GRID1: variants seen among roughly 807,000 people sequenced by gnomAD.
GRID1 encodes the protein glutamate ionotropic receptor delta type subunit 1.
In GRID1, 28 loss-of-function variants were observed where a neutral mutation model predicts 98.0. That is an observed-to-expected ratio of 0.29 (90% confidence interval 0.21 to 0.39). The LOEUF is 0.39. GRID1 is among the 10% of genes least tolerant of loss of function. The probability of loss-of-function intolerance (pLI) is 1.00; values close to 1 mark genes in which losing one functional copy is unlikely to be tolerated. For missense variants in GRID1, 1,111 were observed against 1,340.5 expected, an observed-to-expected ratio of 0.83 and a Z score of 2.67; for synonymous variants, 553 against 538.5, an observed-to-expected ratio of 1.03 and a Z score of -0.37.
At chr10:85,903,905 A>G (rs1198213925) in intron 5 of GRID1, among the ~76,000 whole-genome samples, 1 of 152,172 alleles carries the variant, frequency 6.6e-6, no homozygotes, top group Admixed American at 6.5e-5. Flanking sequence ...TACCTCATCA[A>G]ATAGATTTCT....
At chr10:85,723,899 G>T (rs1257576812) in intron 11 of GRID1, among the ~76,000 whole-genome samples, 1 of 152,192 alleles carries the variant, frequency 6.6e-6, no homozygotes, top group African/African-American at 2.4e-5. Flanking sequence ...CTCACTAGTG[G>T]ATAGAAGTAC....
rs1268588125 is a variant in GRID1 at position 86,364,115 on chromosome 10, C to A, written c.80-19G>T. ...ATGGCACCTGGAGGAGAGAAGGGAT[C>A]AAGACCGGACCTGGACAAGAACCCT... On this transcript the variant is annotated intron_variant, in intron 1 of 15. Coordinates refer to ENST00000327946, the MANE Select transcript of GRID1 (RefSeq NM_017551.3). 3 of 1,610,412 alleles carry A rather than the reference C, an allele frequency of 1.9e-6. No individual in the cohort carries two copies. The highest frequency in any genetic ancestry group is 1.7e-6 in the Non-Finnish European group (2 of 1,177,700).
intron 13 of GRID1, among the ~76,000 whole-genome samples, chr10:85,642,387 C>T (rs1483341758): frequency 1.3e-5 from 2 of 152,088 alleles, no homozygotes; most frequent in Admixed American, 1.3e-4. Flanking sequence ...TCTTTCAGGA[C>T]CAGGAAAATC....
chr10:85,723,131 A>C lies in GRID1; in HGVS notation c.1869T>G (p.Ser623=), dbSNP rs575574551. 196 of 1,606,936 alleles carry C rather than the reference A, an allele frequency of 1.2e-4. No individual in the cohort carries two copies. Among genetic ancestry groups the C allele is most frequent in the Non-Finnish European group, 1.6e-4 (190 of 1,176,466 alleles). The change falls in exon 12 of 16, where the codon TCT becomes TCG. Residue 623 remains serine (S), a synonymous_variant. Transcript: ENST00000327946. ...TGCGCATGGCCATGGAGTTCACGGAAGATTCGCCACCTGCGGGAGGCAGAC... is the reference window on the plus strand; with the variant it reads ...TGCGCATGGCCATGGAGTTCACGGACGATTCGCCACCTGCGGGAGGCAGAC... The part of the protein sequence containing the change: ...YGAFVQQGGE[S]SVNSMAMRIV...
At chr10:85,771,454 T>A (rs1019659093) in intron 8 of GRID1, among the ~76,000 whole-genome samples, 6 of 151,918 alleles carry the variant, frequency 3.9e-5, no homozygotes, top group African/African-American at 1.5e-4. Flanking sequence ...AATGACAGGA[T>A]CAAATTCACA....
At chr10:86,337,469 G>A (rs1848239113) in intron 2 of GRID1, among the ~76,000 whole-genome samples, 1 of 152,164 alleles carries the variant, frequency 6.6e-6, no homozygotes, top group Admixed American at 6.5e-5. Context: ...CAGAAAGCCA[G>A]CACTCGGGGA....
intron 8 of GRID1, among the ~76,000 whole-genome samples, chr10:85,765,918 T>C (rs1161255896): frequency 1.3e-5 from 2 of 152,184 alleles, no homozygotes; most frequent in Non-Finnish European, 2.9e-5. Flanking sequence ...TACTTTCCCA[T>C]GGTCTAGTTT....
At chr10:86,348,576 G>C (rs1848420947) in intron 2 of GRID1, among the ~76,000 whole-genome samples, 1 of 152,230 alleles carries the variant, frequency 6.6e-6, no homozygotes, top group South Asian at 2.1e-4. Context: ...GATGCCCTGG[G>C]GAGCTCTGAG....
At chr10:86,271,268 C>G (rs572214729) in intron 2 of GRID1, among the ~76,000 whole-genome samples, 301 of 152,278 alleles carry the variant, frequency 2.0e-3, no homozygotes, top group African/African-American at 7.0e-3. Flanking sequence ...TCTGTCCTGC[C>G]TAGCCAATAG....
intron 2 of GRID1, among the ~76,000 whole-genome samples, chr10:86,265,231 T>G (rs1847086315): frequency 6.6e-6 from 1 of 150,554 alleles, no homozygotes; most frequent in African/African-American, 2.5e-5. Flanking sequence ...CACCTCCCAC[T>G]CCACTTCTCT....
At chr10:86,070,313 C>T (rs577581263) in intron 4 of GRID1, among the ~76,000 whole-genome samples, 2 of 152,304 alleles carry the variant, frequency 1.3e-5, no homozygotes, top group South Asian at 4.1e-4. Context: ...AGCATGCACC[C>T]CTGATGGGAG....
chr10:85,728,141 T>G, intron 9 of GRID1, 89 bp from the exon 10 acceptor site: 1 of 1,006,596 alleles, frequency 9.9e-7, no homozygotes, highest in South Asian at 1.3e-5. Context: ...AAGATCTGAT[T>G]AGAACATTTG....
chr10:85,845,366 T>G (rs1842996137), intron 8 of GRID1, among the ~76,000 whole-genome samples: 1 of 152,148 alleles, frequency 6.6e-6, no homozygotes, highest in Non-Finnish European at 1.5e-5. Context: ...TTCAAATCTC[T>G]ACAGTGAAAG....
At chr10:86,055,757 G>C (rs1349732161) in intron 4 of GRID1, among the ~76,000 whole-genome samples, 2 of 150,592 alleles carry the variant, frequency 1.3e-5, no homozygotes, top group African/African-American at 4.9e-5. Context: ...ACAACAAGAA[G>C]AAGAAGGAGA....
At chr10:85,628,046 G>C (rs548887789) in intron 13 of GRID1, among the ~76,000 whole-genome samples, 1 of 152,090 alleles carries the variant, frequency 6.6e-6, no homozygotes, top group South Asian at 2.1e-4. Context: ...AATTGTGTAT[G>C]TGCATATGTG....
chr10:85,701,556 C>T (rs994537398), intron 12 of GRID1, among the ~76,000 whole-genome samples: 3 of 152,124 alleles, frequency 2.0e-5, no homozygotes, highest in Non-Finnish European at 4.4e-5. Flanking sequence ...ACAGTCTCCA[C>T]CTGTACTCAC....
chr10:85,764,162 C>T (rs1189777209), intron 8 of GRID1, among the ~76,000 whole-genome samples: 1 of 152,154 alleles, frequency 6.6e-6, no homozygotes, highest in Non-Finnish European at 1.5e-5. Flanking sequence ...GACCAAAATG[C>T]TCAGTAAATC....
In GRID1 at chr10:85,602,100, C is replaced by G. The variant is rs1447503439; in HGVS notation, c.*173G>C. On this transcript the variant is annotated 3_prime_UTR_variant, in exon 16 of 16. Transcript: ENST00000327946. The stretch of plus-strand genomic sequence containing the variant: ...GAAAATTGGGAATATTCAAAATACA[C>G]TTTTACCCCACTCCATTCTGTCATT... 1 of 482,352 alleles carries G rather than the reference C, an allele frequency of 2.1e-6. No homozygotes were observed. The highest frequency in any genetic ancestry group is 3.6e-6 in the Non-Finnish European group (1 of 276,636). The allele number at this position is 482,352 out of a possible 1,614,324, so 29.9% of individuals were successfully genotyped here. A position where few individuals can be genotyped will look rare whatever the true frequency, so the allele number is the denominator to read the frequency against.
intron 4 of GRID1, among the ~76,000 whole-genome samples, chr10:86,094,148 G>A (rs183274444): frequency 8.5e-5 from 13 of 152,180 alleles, no homozygotes; most frequent in East Asian, 1.9e-4. Context: ...ATCCAGCATC[G>A]CTTTATGATT....
Sources: allele counts gnomAD v4.1 joint callset (sites outside exome capture counted in the v4.1 genomes callset), GRCh38; gene constraint gnomAD v4.1.1; transcripts MANE v1.5; gene names NCBI Gene and HGNC (gene_info 2026-07-23, HGNC 2026-07-21).